The following TMEFF2 variants were observed in gnomAD, a reference collection of about 807,000 sequenced individuals.
TMEFF2 encodes the protein transmembrane protein with EGF like and two follistatin like domains 2, also known as tomoregulin-2.
In TMEFF2, 28 loss-of-function variants were observed where a neutral mutation model predicts 53.8. That is an observed-to-expected ratio of 0.52 (90% CI 0.39 to 0.71). The LOEUF (loss-of-function observed/expected upper bound fraction) is 0.71. TMEFF2 is among the 30% of genes least tolerant of loss of function. The pLI is 0.00. For synonymous variants in TMEFF2, 162 were observed against 166.3 expected (o/e 0.97, Z 0.20); for missense variants, 353 against 455.2 (o/e 0.78, Z 2.04).
At chr2:192,167,445 A>G (rs1427198201) in intron 4 of TMEFF2, among the ~76,000 whole-genome samples, 1 of 152,140 alleles carries the variant, frequency 6.6e-6, no homozygotes, top group African/African-American at 2.4e-5. Flanking sequence ...AATACAGCCT[A>G]CCCACGCCTG....
intron 8 of TMEFF2, among the ~76,000 whole-genome samples, chr2:191,954,788 C>G (rs7604974): frequency 0.017 from 2,565 of 152,258 alleles, 59 homozygotes; most frequent in African/African-American, 0.058. Context: ...GTTGCCTCCT[C>G]TCACTCAACC....
intron 7 of TMEFF2, among the ~76,000 whole-genome samples, chr2:191,990,594 A>G (rs918770843): frequency 6.6e-6 from 1 of 152,108 alleles, no homozygotes; most frequent in Non-Finnish European, 1.5e-5. Context: ...GAAATAACAT[A>G]TACTTGAGGT....
rs987023509 is a variant in TMEFF2, at chr2:191,958,177, G to A, written c.746-1799C>T. Among the ~76,000 whole-genome samples the A allele has an allele frequency of 2.0e-5, 3 of 152,182 alleles. 1 individual carries two copies. The highest frequency in any genetic ancestry group is 1.5e-5 in the Non-Finnish European group (1 of 68,034). ...ATAGCGATCAAACCATGCACCTGCT[G>A]TTTAAAGGAGACTTTAGCAGTGGGG... On this transcript the variant is annotated intron_variant, in intron 7 of 9. Coordinates refer to ENST00000272771, the MANE Select transcript of TMEFF2 (RefSeq NM_016192.4).
chr2:192,164,726 CA>C (rs34648660), intron 4 of TMEFF2, among the ~76,000 whole-genome samples: 53,098 of 133,324 alleles, frequency 0.4, 10,850 homozygotes, highest in Middle Eastern at 0.57. Context: ...GACTTCGTCT[CA>C]AAAAAAAAAA....
intron 5 of TMEFF2, among the ~76,000 whole-genome samples, chr2:192,054,499 T>C (rs1220802615): frequency 1.3e-5 from 2 of 152,138 alleles, no homozygotes; most frequent in Non-Finnish European, 2.9e-5. Context: ...GCCTTTCTGG[T>C]GCCACTATCC....
At chr2:192,069,984 GTGTGTATATATATATA>G (rs1208120819) in intron 4 of TMEFF2, among the ~76,000 whole-genome samples, 17 of 6,838 alleles carry the variant, frequency 2.5e-3, no homozygotes, top group Middle Eastern at 0.071. Context: ...GTGTGTGTGT[GTGTGTATATATATATA>G]TATATATATA....
chr2:191,993,634 GCTC>G (rs1686156979), intron 7 of TMEFF2, among the ~76,000 whole-genome samples: 1 of 151,878 alleles, frequency 6.6e-6, no homozygotes, highest in African/African-American at 2.4e-5. Context: ...AGCTCAACAT[GCTC>G]CTCCTCATAG....
intron 4 of TMEFF2, among the ~76,000 whole-genome samples, chr2:192,173,559 T>G (rs1690966723): frequency 6.6e-6 from 1 of 151,896 alleles, no homozygotes; most frequent in Non-Finnish European, 1.5e-5. Flanking sequence ...TCCCTCCTAC[T>G]TCTTCTTTAT....
At chr2:192,123,698 T>C (rs1311539575) in intron 4 of TMEFF2, among the ~76,000 whole-genome samples, 3 of 152,232 alleles carry the variant, frequency 2.0e-5, no homozygotes, top group African/African-American at 7.2e-5. Context: ...AACTAAAACT[T>C]ACTCTGTTAA....
intron 3 of TMEFF2, among the ~76,000 whole-genome samples, chr2:192,180,190 C>G (rs771389870): frequency 1.3e-5 from 2 of 151,572 alleles, no homozygotes; most frequent in Non-Finnish European, 3.0e-5. Flanking sequence ...ACGAATACCA[C>G]AATTGTGGAT....
chr2:192,068,303 A>G (rs1269385857), intron 4 of TMEFF2, among the ~76,000 whole-genome samples: 1 of 151,930 alleles, frequency 6.6e-6, no homozygotes, highest in East Asian at 1.9e-4. Context: ...AAGGAAGTCC[A>G]CGGCTGAGCA....
At chr2:192,137,180 G>A (rs1254434662) in intron 4 of TMEFF2, among the ~76,000 whole-genome samples, 1 of 152,208 alleles carries the variant, frequency 6.6e-6, no homozygotes, top group Non-Finnish European at 1.5e-5. Flanking sequence ...GTGCTTACCA[G>A]AGGGAGAGGA....
chr2:192,101,670 A>C (rs1209098246), intron 4 of TMEFF2, among the ~76,000 whole-genome samples: 1 of 152,202 alleles, frequency 6.6e-6, no homozygotes, highest in Non-Finnish European at 1.5e-5. Flanking sequence ...GTTCTGATTC[A>C]TTTGTACATA....
chr2:192,160,882 T>C (rs927693471), intron 4 of TMEFF2, among the ~76,000 whole-genome samples: 11 of 152,138 alleles, frequency 7.2e-5, no homozygotes, highest in African/African-American at 2.2e-4. Flanking sequence ...AGAAAGTTTA[T>C]GTAGAGGAAA....
At chr2:192,153,065 C>A (rs1690425747) in intron 4 of TMEFF2, among the ~76,000 whole-genome samples, 1 of 150,894 alleles carries the variant, frequency 6.6e-6, no homozygotes, top group Admixed American at 6.6e-5. Context: ...CAGTACAGAG[C>A]CTATATTTAA....
intron 5 of TMEFF2, among the ~76,000 whole-genome samples, chr2:192,002,791 C>G (rs1218595883): frequency 6.6e-6 from 1 of 152,102 alleles, no homozygotes; most frequent in Non-Finnish European, 1.5e-5. Flanking sequence ...GATCCCACCA[C>G]TACACTCCAG....
chr2:192,054,017 A>C (rs1212739190), intron 5 of TMEFF2, among the ~76,000 whole-genome samples: 1 of 152,128 alleles, frequency 6.6e-6, no homozygotes, highest in East Asian at 1.9e-4. Flanking sequence ...ATTTTATTTA[A>C]ACACTAATAA....
intron 5 of TMEFF2, among the ~76,000 whole-genome samples, chr2:192,022,766 G>T (rs1054781194): frequency 6.6e-6 from 1 of 152,078 alleles, no homozygotes; most frequent in Non-Finnish European, 1.5e-5. Flanking sequence ...CAGGAAAGCA[G>T]TTTTTGAGTC....
At chr2:192,185,899 G>A (rs2106042315) in intron 2 of TMEFF2, among the ~76,000 whole-genome samples, 1 of 152,082 alleles carries the variant, frequency 6.6e-6, no homozygotes, top group Non-Finnish European at 1.5e-5. Context: ...TAAATATAAT[G>A]TTTTGGTAAT....
Sources: gnomAD v4.1 joint callset for allele counts (sites outside exome capture counted in the v4.1 genomes callset) on GRCh38, gnomAD v4.1.1 for gene constraint, MANE v1.5 for transcripts, NCBI Gene and HGNC (gene_info 2026-07-23, HGNC 2026-07-21) for gene names.